Variants in TMEM65 observed in about 807,000 individuals in gnomAD.
The protein encoded by TMEM65 is transmembrane protein 65.
In TMEM65, 22 loss-of-function variants were observed where a neutral mutation model predicts 25.4. The observed-to-expected ratio is 0.86, with a 90% CI of 0.62 to 1.23. The LOEUF (loss-of-function observed/expected upper bound fraction) is 1.23, where lower values mean the gene tolerates loss of function less well. Among genes scored for constraint, TMEM65 ranks in the 50% most tolerant of loss-of-function variants. TMEM65 has a pLI of 0.00. For synonymous variants in TMEM65, 132 were observed against 126.2 expected (o/e 1.05, Z -0.31); for missense variants, 262 against 308.2 (o/e 0.85, Z 1.12).
At chr8:124,315,554 C>G (rs1814225620) in intron 6 of TMEM65, among the ~76,000 whole-genome samples, 1 of 152,066 alleles carries the variant, frequency 6.6e-6, no homozygotes, top group Admixed American at 6.6e-5. Context: ...ATCTCCTGAC[C>G]TCATGATCCA....
In TMEM65 at chr8:124,309,544, A is replaced by G. The variant is rs1388794073; in HGVS notation, c.*4416T>C. 2 of 152,236 alleles carry G rather than the reference A, an allele frequency of 1.3e-5. No homozygotes were observed. Among genetic ancestry groups the G allele is most frequent in the Non-Finnish European group, 2.9e-5 (2 of 68,040 alleles). 9.4% of individuals were successfully genotyped at this position (152,236 alleles called of 1,614,324 possible). A position where few individuals can be genotyped will look rare whatever the true frequency, so the allele number is the denominator to read the frequency against. On this transcript the variant is annotated 3_prime_UTR_variant, in exon 7 of 7. Coordinates refer to ENST00000297632, the MANE Select transcript of TMEM65 (RefSeq NM_194291.3). ...TTTACAATGAATTCCAAAGTGAAAC[A>G]TATTTCACATATCTGAGATTTTCTT...
In TMEM65 at chr8:124,314,290, T is replaced by A. The variant is rs888533212; in HGVS notation, c.622-229A>T. Among the ~76,000 whole-genome samples the A allele has an allele frequency of 2.7e-4, 41 of 152,206 alleles. 2 individuals carry two copies. Reference sequence around the variant, plus strand: ...CGTACCCCTGCATAGCCACACATTTTCTCACAAACTCTTTTCCAAACTGCT... The same window carrying A: ...CGTACCCCTGCATAGCCACACATTTACTCACAAACTCTTTTCCAAACTGCT... On this transcript the variant is annotated intron_variant, in intron 6 of 6. Coordinates refer to ENST00000297632, the MANE Select transcript of TMEM65 (RefSeq NM_194291.3).
At chr8:124,324,974 A>C (rs1563590621) in intron 3 of TMEM65, among the ~76,000 whole-genome samples, 1 of 152,036 alleles carries the variant, frequency 6.6e-6, no homozygotes, top group East Asian at 1.9e-4. Context: ...AGTAACCCAA[A>C]ACTAACCCTA....
In TMEM65 at chr8:124,371,909, C is replaced by T; in HGVS notation, c.249G>A (p.Glu83=). ...RDFIYSLHST[E]RSCLLKELHR... ...GCAGCTCTTTGAGCAGGCAGCTCCT[C>T]TCCGTGGAGTGCAGGCTGTAGATGA... The change falls in exon 1 of 7, where the codon GAG becomes GAA. Residue 83 remains glutamate, a synonymous_variant. Transcript: ENST00000297632. 1 of 1,548,330 alleles carries T rather than the reference C, an allele frequency of 6.5e-7. No individual in the cohort carries two copies. Among genetic ancestry groups the T allele is most frequent in the Non-Finnish European group, 8.7e-7 (1 of 1,151,386 alleles).
intron 1 of TMEM65, among the ~76,000 whole-genome samples, chr8:124,339,145 T>C (rs1193753196): frequency 7.9e-6 from 1 of 126,990 alleles, no homozygotes; most frequent in Non-Finnish European, 1.6e-5. Context: ...TGAGCCCAGA[T>C]CGCACCACTG....
intron 1 of TMEM65, among the ~76,000 whole-genome samples, chr8:124,368,844 A>G (rs573746677): frequency 6.6e-6 from 1 of 152,364 alleles, no homozygotes; most frequent in South Asian, 2.1e-4. Flanking sequence ...CCTGAGCCTC[A>G]GAAATTATGA....
At position 124,372,014 on chromosome 8, in the gene TMEM65, C is replaced by A; in HGVS notation, c.144G>T (p.Pro48=). 2.3e-6 allele frequency: 3 copies of A among 1,309,480 alleles called. No individual in the cohort carries two copies. The highest frequency in any genetic ancestry group is 1.5e-5 in the African/African-American group (1 of 64,932). 81.1% of individuals were successfully genotyped at this position (1,309,480 alleles called of 1,614,324 possible). A position where few individuals can be genotyped will look rare whatever the true frequency, so the allele number is the denominator to read the frequency against. The change falls in exon 1 of 7, where the codon CCG becomes CCT. Residue 48 remains proline (P), a synonymous_variant. Coordinates refer to ENST00000297632, the MANE Select transcript of TMEM65 (RefSeq NM_194291.3). ...LLALAPPGGL[P]GGPRRLGTHP... is the part of the protein sequence containing the mutation. ...GCGTGCCCAGCCGCCTGGGGCCGCC[C>A]GGCAAGCCGCCGGGGGGCGCGAGCG...
chr8:124,370,465 C>T (rs1163838496), intron 1 of TMEM65, among the ~76,000 whole-genome samples: 3 of 152,164 alleles, frequency 2.0e-5, no homozygotes, highest in Non-Finnish European at 4.4e-5. Flanking sequence ...ACTGAGTGCA[C>T]ACATAGATTA....
intron 2 of TMEM65, 98 bp downstream of exon 2, chr8:124,330,650 T>C (rs1478339777): frequency 1.7e-6 from 2 of 1,211,778 alleles, no homozygotes; most frequent in Non-Finnish European, 2.3e-6. Flanking sequence ...TCTGGAAAGA[T>C]TTAATTTACT....
chr8:124,366,354 T>C (rs1182469437), intron 1 of TMEM65, among the ~76,000 whole-genome samples: 4 of 152,210 alleles, frequency 2.6e-5, no homozygotes, highest in East Asian at 3.8e-4. Context: ...CACATCCATC[T>C]CCTTGGGTCA....
chr8:124,326,448 A>T (rs1814367089), intron 3 of TMEM65, among the ~76,000 whole-genome samples: 1 of 152,068 alleles, frequency 6.6e-6, no homozygotes, highest in Non-Finnish European at 1.5e-5. Context: ...TATGTATATA[A>T]GAATAAAACT....
Position 124,327,334 on chromosome 8 carries a change from C to T in TMEM65, c.417+20G>A, listed in dbSNP as rs1362770286. 5 of 1,545,730 alleles carry T rather than the reference C, an allele frequency of 3.2e-6. No homozygotes were observed. The highest frequency in any genetic ancestry group is 3.5e-6 in the Non-Finnish European group (4 of 1,129,014). The stretch of plus-strand genomic sequence containing the variant: ...TTAATTTATGAACTCAAAATAGAAG[C>T]AGTGAGAGAAAGAACTTACAGCAAC... On this transcript the variant is annotated intron_variant, in intron 3 of 6. Coordinates refer to ENST00000297632, the MANE Select transcript of TMEM65 (RefSeq NM_194291.3).
intron 1 of TMEM65, among the ~76,000 whole-genome samples, chr8:124,363,837 A>C: frequency 1.4e-4 from 1 of 7,276 alleles, no homozygotes; most frequent in Non-Finnish European, 3.0e-4. Flanking sequence ...ACTCCGTCTC[A>C]AAAAAAAAAA....
At chr8:124,326,440 T>C (rs970517745) in intron 3 of TMEM65, among the ~76,000 whole-genome samples, 1 of 152,044 alleles carries the variant, frequency 6.6e-6, no homozygotes, top group Non-Finnish European at 1.5e-5. Flanking sequence ...TTTCATAATA[T>C]GTATATAAGA....
intron 1 of TMEM65, among the ~76,000 whole-genome samples, chr8:124,369,913 T>A (rs574760417): frequency 7.9e-5 from 12 of 152,218 alleles, no homozygotes; most frequent in African/African-American, 2.6e-4. Context: ...GATTTAAACT[T>A]TGATGTTCTT....
At chr8:124,325,919 CA>C (rs1427924411) in intron 3 of TMEM65, among the ~76,000 whole-genome samples, 1 of 151,904 alleles carries the variant, frequency 6.6e-6, no homozygotes, top group Non-Finnish European at 1.5e-5. Flanking sequence ...ACTTTGAAAC[CA>C]AATCTTCTAT....
intron 1 of TMEM65, among the ~76,000 whole-genome samples, chr8:124,333,669 A>G (rs1431736627): frequency 6.6e-6 from 1 of 152,178 alleles, no homozygotes; most frequent in Non-Finnish European, 1.5e-5. Context: ...ACAAACTACA[A>G]ACAAAAATAC....
chr8:124,317,902 G>A (rs1351623819), intron 6 of TMEM65, among the ~76,000 whole-genome samples: 1 of 152,270 alleles, frequency 6.6e-6, no homozygotes, highest in African/African-American at 2.4e-5. Flanking sequence ...GTAGATCGGG[G>A]TGTCCAATCT....
At chr8:124,324,021 T>C (rs965588531) in intron 3 of TMEM65, among the ~76,000 whole-genome samples, 9 of 152,114 alleles carry the variant, frequency 5.9e-5, no homozygotes, top group Non-Finnish European at 1.5e-5. Context: ...GCTCATATTT[T>C]ACTTTCATTT....
Sources: gnomAD v4.1 joint callset for allele counts (sites outside exome capture counted in the v4.1 genomes callset) on GRCh38, gnomAD v4.1.1 for gene constraint, MANE v1.5 for transcripts, NCBI Gene and HGNC (gene_info 2026-07-23, HGNC 2026-07-21) for gene names.